The following INPP4B variants were observed in gnomAD, a reference collection of about 807,000 sequenced individuals.
INPP4B encodes inositol polyphosphate-4-phosphatase type II B.
A neutral mutation model predicts 122.5 loss-of-function variants in INPP4B; 55 were observed. That is an observed-to-expected ratio of 0.45 (90% confidence interval 0.36 to 0.56). INPP4B has a LOEUF of 0.56. Among genes scored for constraint, INPP4B ranks in the 20% least tolerant of loss-of-function variants. INPP4B has a pLI of 0.00. For missense variants in INPP4B, 1,000 were observed against 1,097.7 expected (o/e 0.91, Z 1.26); for synonymous variants, 403 against 388.7 (o/e 1.04, Z -0.43).
At chr4:142,418,509 G>A (rs1442967297) in intron 5 of INPP4B, among the ~76,000 whole-genome samples, 1 of 152,052 alleles carries the variant, frequency 6.6e-6, no homozygotes, top group African/African-American at 2.4e-5. Flanking sequence ...AAAAAACAAT[G>A]AGAATTCTAA....
At chr4:142,757,649 T>C (rs57294752) in intron 1 of INPP4B, among the ~76,000 whole-genome samples, 3,077 of 152,268 alleles carry the variant, frequency 0.02, 100 homozygotes, top group African/African-American at 0.068. Flanking sequence ...TTTTCCATTG[T>C]CTGGATTTAC....
At chr4:142,063,399 T>C (rs1049637440) in intron 25 of INPP4B, among the ~76,000 whole-genome samples, 1 of 152,180 alleles carries the variant, frequency 6.6e-6, no homozygotes, top group Non-Finnish European at 1.5e-5. Flanking sequence ...TTAAAAAGCT[T>C]CTTTTTCTCT....
At chr4:142,531,978 T>G (rs926882009) in intron 2 of INPP4B, among the ~76,000 whole-genome samples, 1 of 152,220 alleles carries the variant, frequency 6.6e-6, no homozygotes, top group African/African-American at 2.4e-5. Flanking sequence ...TTAAGACATA[T>G]TGACTTGTCC....
At chr4:142,755,192 A>G (rs1770336392) in intron 1 of INPP4B, among the ~76,000 whole-genome samples, 1 of 151,970 alleles carries the variant, frequency 6.6e-6, no homozygotes, top group South Asian at 2.1e-4. Flanking sequence ...ATAGTTACTG[A>G]CTTTCATTCA....
chr4:142,652,478 C>T (rs575695176), intron 2 of INPP4B, among the ~76,000 whole-genome samples: 9 of 152,194 alleles, frequency 5.9e-5, no homozygotes, highest in Non-Finnish European at 1.2e-4. Flanking sequence ...ACCCCATCAA[C>T]TCAGCCCAAA....
intron 1 of INPP4B, among the ~76,000 whole-genome samples, chr4:142,820,664 A>C (rs201318749): frequency 6.6e-6 from 1 of 152,306 alleles, no homozygotes; most frequent in East Asian, 1.9e-4. Flanking sequence ...AATATATTGT[A>C]TACAAAGGCA....
intron 7 of INPP4B, among the ~76,000 whole-genome samples, chr4:142,356,757 C>A (rs1342599002): frequency 1.3e-5 from 2 of 151,618 alleles, no homozygotes; most frequent in Admixed American, 6.6e-5. Context: ...ATCAGAGGGT[C>A]TTTTATTCTA....
chr4:142,841,379 G>A (rs1345700043), intron 1 of INPP4B, among the ~76,000 whole-genome samples: 2 of 151,962 alleles, frequency 1.3e-5, no homozygotes, highest in African/African-American at 4.8e-5. Context: ...TTTTGGCTAA[G>A]AAAGCAAAGC....
chr4:142,667,056 A>C (rs1055953616), intron 2 of INPP4B, among the ~76,000 whole-genome samples: 1 of 152,212 alleles, frequency 6.6e-6, no homozygotes, highest in African/African-American at 2.4e-5. Context: ...GTGGTCTGGC[A>C]TTTGAAAGCC....
chr4:142,497,249 T>C (rs945807072), intron 2 of INPP4B, among the ~76,000 whole-genome samples: 1 of 152,164 alleles, frequency 6.6e-6, no homozygotes, highest in African/African-American at 2.4e-5. Flanking sequence ...TGAGAAATGA[T>C]GCTGAGCCCC....
At chr4:142,232,509 A>C in intron 12 of INPP4B, among the ~76,000 whole-genome samples, 1 of 151,956 alleles carries the variant, frequency 6.6e-6, no homozygotes, top group African/African-American at 2.4e-5. Context: ...TTAGTCAATA[A>C]ATGTTGTGTG....
intron 2 of INPP4B, among the ~76,000 whole-genome samples, chr4:142,598,362 T>A (rs556965532): frequency 5.9e-5 from 9 of 152,176 alleles, no homozygotes; most frequent in Non-Finnish European, 1.2e-4. Flanking sequence ...GAACTCACAC[T>A]AGGTCATTCA....
chr4:142,490,532 C>A (rs1387160499), intron 2 of INPP4B, among the ~76,000 whole-genome samples: 2 of 151,974 alleles, frequency 1.3e-5, no homozygotes, highest in Admixed American at 6.6e-5. Context: ...TTAACCTATC[C>A]ATTACCTCAT....
At chr4:142,145,772 AT>A (rs372112547) in intron 18 of INPP4B, 67 bp downstream of exon 18, 365 of 1,428,378 alleles carry the variant, frequency 2.6e-4, no homozygotes, top group Non-Finnish European at 2.8e-4. Flanking sequence ...CTTCTATATC[AT>A]TTTTTTTTCA....
chr4:142,777,183 G>A (rs141331484), intron 1 of INPP4B, among the ~76,000 whole-genome samples: 3,074 of 152,114 alleles, frequency 0.02, 100 homozygotes, highest in African/African-American at 0.068. Context: ...AGTACTCCCC[G>A]CCTTGTGGTG....
chr4:142,630,193 G>C (rs954504349), intron 2 of INPP4B, among the ~76,000 whole-genome samples: 1 of 152,056 alleles, frequency 6.6e-6, no homozygotes, highest in Non-Finnish European at 1.5e-5. Context: ...GAAAACCAAG[G>C]GAGATATATT....
rs539624021 is a variant in INPP4B, at chr4:142,245,349, T to C, written c.689-7338A>G. ...CTTCCAAGGTTTTTATGGTTTTAGG[T>C]CTTATGTTTAAGTCTTTAATCCATC... On this transcript the variant is annotated intron_variant, in intron 11 of 25. Coordinates refer to ENST00000262992, the MANE Select transcript of INPP4B (RefSeq NM_001101669.3). Among the ~76,000 whole-genome samples the C allele has an allele frequency of 2.6e-5, 4 of 152,300 alleles. No homozygotes were observed. In the South Asian group the frequency reaches 6.2e-4, roughly 24 times the overall value.
intron 9 of INPP4B, among the ~76,000 whole-genome samples, chr4:142,273,705 G>T (rs1747021211): frequency 6.6e-6 from 1 of 151,708 alleles, no homozygotes; most frequent in African/African-American, 2.4e-5. Flanking sequence ...TGGAATCAAA[G>T]CAAGGAACAT....
chr4:142,302,274 C>T (rs1478902098), intron 9 of INPP4B, among the ~76,000 whole-genome samples: 6 of 152,232 alleles, frequency 3.9e-5, no homozygotes, highest in African/African-American at 1.4e-4. Context: ...TAAGCCTCGG[C>T]ACGGTGGTGA....
Sources: gnomAD v4.1 joint callset for allele counts (sites outside exome capture counted in the v4.1 genomes callset) on GRCh38, gnomAD v4.1.1 for gene constraint, MANE v1.5 for transcripts, NCBI Gene and HGNC (gene_info 2026-07-23, HGNC 2026-07-21) for gene names.